CSMD1: variants seen among roughly 807,000 people sequenced by gnomAD.
CSMD1 encodes the protein CUB and sushi domain-containing protein 1.
CSMD1 carries 213 observed loss-of-function variants against 417.5 expected under a neutral mutation model. That is an observed-to-expected ratio of 0.51 (90% CI 0.46 to 0.57). CSMD1 has a LOEUF of 0.57. CSMD1 is among the 20% of genes least tolerant of loss of function. The pLI, the probability that CSMD1 is intolerant of heterozygous loss-of-function variation, is 0.00. For synonymous variants in CSMD1, 2,862 were observed against 1,736.8 expected (o/e 1.65, Z -16.11); for missense variants, 6,923 against 4,529.7 (o/e 1.53, Z -15.17).
intron 1 of CSMD1, among the ~76,000 whole-genome samples, chr8:4,923,301 T>A (rs7016449): frequency 6.6e-6 from 1 of 151,928 alleles, no homozygotes; most frequent in Non-Finnish European, 1.5e-5. Context: ...AAAGGCAATG[T>A]GAGTTGATGC....
chr8:4,293,636 A>T (rs1797500805), intron 3 of CSMD1, among the ~76,000 whole-genome samples: 1 of 152,202 alleles, frequency 6.6e-6, no homozygotes, highest in African/African-American at 2.4e-5. Flanking sequence ...TTTGACTGTA[A>T]GACACAGCAG....
At chr8:4,099,938 T>C (rs1038133712) in intron 3 of CSMD1, among the ~76,000 whole-genome samples, 4 of 152,206 alleles carry the variant, frequency 2.6e-5, no homozygotes, top group Admixed American at 6.5e-5. Flanking sequence ...ACAACAACAA[T>C]AGTGAATAAA....
At chr8:4,043,574 C>T (rs28477800) in intron 3 of CSMD1, among the ~76,000 whole-genome samples, 40,782 of 152,020 alleles carry the variant, frequency 0.27, 5,664 homozygotes, top group African/African-American at 0.31. Context: ...GCTGTCTGGC[C>T]GCCTTGAGGG....
intron 5 of CSMD1, among the ~76,000 whole-genome samples, chr8:3,975,013 G>T (rs112520447): frequency 6.6e-6 from 1 of 152,036 alleles, no homozygotes; most frequent in Non-Finnish European, 1.5e-5. Flanking sequence ...CAGTGAAAAT[G>T]GAATATAAAT....
chr8:4,384,694 C>G (rs944806525), intron 3 of CSMD1, among the ~76,000 whole-genome samples: 1 of 152,134 alleles, frequency 6.6e-6, no homozygotes, highest in Non-Finnish European at 1.5e-5. Context: ...ACGAGTGGGC[C>G]TTTCCCAGGG....
chr8:3,199,354 A>G (rs918365658), intron 33 of CSMD1, among the ~76,000 whole-genome samples: 4 of 152,114 alleles, frequency 2.6e-5, no homozygotes, highest in African/African-American at 9.7e-5. Flanking sequence ...CATATTTCCT[A>G]TATTGTTACT....
intron 12 of CSMD1, among the ~76,000 whole-genome samples, chr8:3,425,862 A>C (rs1159562375): frequency 2.0e-5 from 3 of 152,166 alleles, no homozygotes; most frequent in Non-Finnish European, 4.4e-5. Context: ...AATAAAACTG[A>C]TCAAAGATGA....
intron 5 of CSMD1, among the ~76,000 whole-genome samples, chr8:3,875,685 T>C (rs940060154): frequency 6.6e-6 from 1 of 152,070 alleles, no homozygotes; most frequent in Non-Finnish European, 1.5e-5. Context: ...CAGCTCTGGC[T>C]GAGGTCTAGG....
At position 2,935,826 on chromosome 8, in the gene CSMD1, A is replaced by G. The variant is rs545345759; in HGVS notation, c.*2759T>C. 6.6e-5 allele frequency: 10 copies of G among 152,318 alleles called. No individual in the cohort carries two copies. Among genetic ancestry groups the G allele is most frequent in the African/African-American group, 2.2e-4 (9 of 41,564 alleles). The allele number at this position is 152,318 out of a possible 1,614,324, so 9.4% of individuals were successfully genotyped here. Reference sequence around the variant, plus strand: ...ATAGCTTTTTGTTGTTGTTTACAAAATATTTTACAGAAGAAAAAAATTATT... The same window carrying G: ...ATAGCTTTTTGTTGTTGTTTACAAAGTATTTTACAGAAGAAAAAAATTATT... On this transcript the variant is annotated 3_prime_UTR_variant, in exon 70 of 70. Coordinates refer to ENST00000635120, the MANE Select transcript of CSMD1 (RefSeq NM_033225.6).
intron 3 of CSMD1, among the ~76,000 whole-genome samples, chr8:4,225,692 C>G (rs1230541179): frequency 6.6e-6 from 1 of 152,092 alleles, no homozygotes; most frequent in Non-Finnish European, 1.5e-5. Flanking sequence ...AACTGTCTCA[C>G]CAGGCAAGGA....
At chr8:4,372,420 T>A (rs2128913608) in intron 3 of CSMD1, among the ~76,000 whole-genome samples, 1 of 152,254 alleles carries the variant, frequency 6.6e-6, no homozygotes, top group South Asian at 2.1e-4. Context: ...GTATTTGACA[T>A]ATATTTTTGT....
At chr8:3,256,918 T>C (rs1800696602) in intron 26 of CSMD1, among the ~76,000 whole-genome samples, 1 of 152,260 alleles carries the variant, frequency 6.6e-6, no homozygotes, top group African/African-American at 2.4e-5. Flanking sequence ...AAATAGAATG[T>C]TAACTAACAA....
At chr8:3,874,891 C>G (rs13261048) in intron 5 of CSMD1, among the ~76,000 whole-genome samples, 10,932 of 152,180 alleles carry the variant, frequency 0.072, 473 homozygotes, top group South Asian at 0.15. Context: ...CACTGCGATG[C>G]TGCGCACCAG....
intron 3 of CSMD1, among the ~76,000 whole-genome samples, chr8:4,080,043 C>T (rs1800046610): frequency 6.6e-6 from 1 of 151,106 alleles, no homozygotes; most frequent in Non-Finnish European, 1.5e-5. Flanking sequence ...TGGTGAGTGG[C>T]CCAGCTAGGA....
At chr8:4,848,843 C>A (rs1349655723) in intron 1 of CSMD1, among the ~76,000 whole-genome samples, 1 of 152,178 alleles carries the variant, frequency 6.6e-6, no homozygotes, top group East Asian at 1.9e-4. Context: ...CGCGCCCAAC[C>A]CAGTACATAA....
At chr8:3,378,118 G>A (rs1298203730) in intron 18 of CSMD1, among the ~76,000 whole-genome samples, 4 of 151,278 alleles carry the variant, frequency 2.6e-5, no homozygotes, top group African/African-American at 9.9e-5. Flanking sequence ...TTGGTAAGAA[G>A]AGAGGAAGAC....
chr8:3,129,063 C>T (rs895824996), intron 41 of CSMD1, among the ~76,000 whole-genome samples: 4 of 152,140 alleles, frequency 2.6e-5, no homozygotes, highest in African/African-American at 9.7e-5. Context: ...CTTTCTAACG[C>T]TCAAAGGCCA....
intron 3 of CSMD1, among the ~76,000 whole-genome samples, chr8:4,198,735 G>C (rs149733437): frequency 4.5e-4 from 68 of 151,928 alleles, no homozygotes; most frequent in African/African-American, 1.6e-3. Flanking sequence ...GGTTTTCTTT[G>C]TAATCTATAC....
intron 3 of CSMD1, among the ~76,000 whole-genome samples, chr8:4,148,205 A>T (rs530848140): frequency 6.6e-6 from 1 of 151,922 alleles, no homozygotes; most frequent in Non-Finnish European, 1.5e-5. Context: ...ACTGTAAGTT[A>T]TAAGTTGCTA....
Sources: gnomAD v4.1 joint callset for allele counts (sites outside exome capture counted in the v4.1 genomes callset) on GRCh38, gnomAD v4.1.1 for gene constraint, MANE v1.5 for transcripts, NCBI Gene and HGNC (gene_info 2026-07-23, HGNC 2026-07-21) for gene names.